Variants in ASRGL1 observed in about 807,000 individuals in gnomAD.
ASRGL1 encodes asparaginase and isoaspartyl peptidase 1, also known as isoaspartyl peptidase/L-asparaginase.
A neutral mutation model predicts 22.4 loss-of-function variants in ASRGL1; 16 were observed. The observed-to-expected ratio is 0.71, with a 90% confidence interval of 0.48 to 1.08. The LOEUF (loss-of-function observed/expected upper bound fraction) is 1.08, where lower values mean the gene tolerates loss of function less well. ASRGL1 is among the 50% of genes least tolerant of loss of function. The pLI is 0.00. For synonymous variants in ASRGL1, 165 were observed against 159.3 expected (o/e 1.04, Z -0.27); for missense variants, 412 against 410.1 (o/e 1.00, Z -0.04).
chr11:62,338,214 C>T (rs776756036), intron 2 of ASRGL1, 47 bp downstream of exon 2: 14 of 1,461,596 alleles, frequency 9.6e-6, no homozygotes, highest in African/African-American at 2.8e-5. Flanking sequence ...AGGTCAAGCT[C>T]CTTCTTCAGA....
chr11:62,348,062 A>G (rs1240020876), intron 2 of ASRGL1, among the ~76,000 whole-genome samples: 1 of 152,256 alleles, frequency 6.6e-6, no homozygotes, highest in Non-Finnish European at 1.5e-5. Flanking sequence ...TGATGTAGAC[A>G]TTGTATCAGG....
chr11:62,375,696 G>A (rs1946908479), intron 4 of ASRGL1, among the ~76,000 whole-genome samples: 1 of 151,530 alleles, frequency 6.6e-6, no homozygotes, highest in East Asian at 2.0e-4. Context: ...TATTTCAGTA[G>A]GATTATCCAT....
chr11:62,399,327 A>G, the ASRGL1 span, among the ~76,000 whole-genome samples: 4 of 152,186 alleles, frequency 2.6e-5, no homozygotes, highest in South Asian at 8.3e-4. Context: ...TCGCCTCCTT[A>G]GCATTCCCAG....
chr11:62,354,978 G>C (rs1414690337), intron 2 of ASRGL1, among the ~76,000 whole-genome samples: 1 of 151,826 alleles, frequency 6.6e-6, no homozygotes, highest in Admixed American at 6.6e-5. Flanking sequence ...GTCTCACTCT[G>C]TCACCCTTGG....
Position 62,388,444 on chromosome 11 carries a change from A to G in ASRGL1, c.492-689A>G, listed in dbSNP as rs551787836. ...CACTTTGGGAGTCCAAGGCAGGCGT[A>G]TCACCTGAGCTCAGAGGTTTGAGAC... On this transcript the variant is annotated intron_variant, in intron 4 of 6. Transcript: ENST00000415229. Among the ~76,000 whole-genome samples the G allele has an allele frequency of 5.5e-4, 84 of 152,206 alleles. 1 individual carries two copies. The highest frequency in any genetic ancestry group is 1.7e-3 in the African/African-American group (70 of 41,540).
At chr11:62,376,224 A>G (rs1203826139) in intron 4 of ASRGL1, among the ~76,000 whole-genome samples, 3 of 147,942 alleles carry the variant, frequency 2.0e-5, no homozygotes, top group South Asian at 2.2e-4. Flanking sequence ...AATTGTGCCC[A>G]AGTCAGTGGC....
chr11:62,394,071 TTATATATTATAATTTATACAATATATAA>T (rs1265645119), downstream of ASRGL1, among the ~76,000 whole-genome samples: 1 of 143,064 alleles, frequency 7.0e-6, no homozygotes, highest in Non-Finnish European at 1.5e-5. Flanking sequence ...GGTATATTTA[TTATATATTATAATTTATACAATATATAA>T]TATATATTAT....
At chr11:62,383,551 C>T (rs1472166021) in intron 4 of ASRGL1, among the ~76,000 whole-genome samples, 17 of 137,484 alleles carry the variant, frequency 1.2e-4, no homozygotes, top group Non-Finnish European at 2.4e-4. Flanking sequence ...TGCAGTGAGC[C>T]GAGATCCCGC....
At chr11:62,372,506 A>G in intron 4 of ASRGL1, 9 of 1,163,208 alleles carry the variant, frequency 7.7e-6, no homozygotes, top group Non-Finnish European at 1.0e-5. Context: ...GCCCGGGCAC[A>G]GCAGATAGAG....
chr11:62,399,098 C>T, the ASRGL1 span, among the ~76,000 whole-genome samples: 1 of 152,284 alleles, frequency 6.6e-6, no homozygotes, highest in East Asian at 1.9e-4. Context: ...TGCCTGTAGT[C>T]CCAGCTACTC....
intron 2 of ASRGL1, among the ~76,000 whole-genome samples, chr11:62,341,986 G>A (rs533339024): frequency 3.7e-4 from 56 of 152,198 alleles, no homozygotes; most frequent in African/African-American, 1.2e-3. Context: ...TAGTAAGGCC[G>A]TTTTTATTTT....
intron 4 of ASRGL1, chr11:62,371,261 G>T: frequency 7.4e-7 from 1 of 1,343,000 alleles, no homozygotes; most frequent in Non-Finnish European, 9.7e-7. Context: ...GAGCGCTGCA[G>T]TAGCAGCAGT....
intron 4 of ASRGL1, among the ~76,000 whole-genome samples, chr11:62,374,264 C>CCA (rs1157350207): frequency 2.0e-5 from 3 of 152,144 alleles, no homozygotes; most frequent in Non-Finnish European, 4.4e-5. Context: ...GCCGTGACTG[C>CCA]CACCCGTGTC....
At chr11:62,358,186 C>A (rs182361524) in intron 4 of ASRGL1, among the ~76,000 whole-genome samples, 202 of 152,132 alleles carry the variant, frequency 1.3e-3, no homozygotes, top group African/African-American at 4.4e-3. Context: ...CTAGGCAACA[C>A]GGTGAAACCC....
chr11:62,365,857 T>TG (rs1946600289), intron 4 of ASRGL1, among the ~76,000 whole-genome samples: 1 of 152,046 alleles, frequency 6.6e-6, no homozygotes, highest in Non-Finnish European at 1.5e-5. Context: ...TCAAAAAAAT[T>TG]TAAAAAGTAG....
chr11:62,375,190 G>A (rs1250531824), intron 4 of ASRGL1, among the ~76,000 whole-genome samples: 3 of 151,900 alleles, frequency 2.0e-5, no homozygotes, highest in African/African-American at 7.3e-5. Flanking sequence ...TGAAAAATGG[G>A]CTTCCTAATG....
At chr11:62,355,454 G>A (rs966561420) in intron 2 of ASRGL1, among the ~76,000 whole-genome samples, 4 of 143,878 alleles carry the variant, frequency 2.8e-5, no homozygotes, top group Admixed American at 2.1e-4. Context: ...TCGATCTCCT[G>A]ACCTCATGAT....
rs1346364655 is a variant in ASRGL1, at chr11:62,374,754, C to T, written c.492-14379C>T. 5.3e-5 allele frequency among the ~76,000 whole-genome samples: 8 copies of T among 152,266 alleles called. No individual in the cohort carries two copies. The South Asian group carries it at 1.2e-3, about 24-fold the overall frequency. Reference sequence around the variant, plus strand: ...CTCTCTAAGACTTAGTCTGACGCCACGCGCATCTCTTGATCTGTGTTCAGT... The same window carrying T: ...CTCTCTAAGACTTAGTCTGACGCCATGCGCATCTCTTGATCTGTGTTCAGT... On this transcript the variant is annotated intron_variant, in intron 4 of 6. Transcript: ENST00000415229.
chr11:62,373,188 C>A, intron 4 of ASRGL1: 1 of 1,002,646 alleles, frequency 1.0e-6, no homozygotes, highest in Non-Finnish European at 1.6e-6. Flanking sequence ...CTCCCAGAGA[C>A]TCCTCCGACT....
Sources: gnomAD v4.1 joint callset for allele counts (sites outside exome capture counted in the v4.1 genomes callset) on GRCh38, gnomAD v4.1.1 for gene constraint, MANE v1.5 for transcripts, NCBI Gene and HGNC (gene_info 2026-07-23, HGNC 2026-07-21) for gene names.